The following SLC25A48 variants were observed in gnomAD, a reference collection of about 807,000 sequenced individuals.
The protein encoded by SLC25A48 is solute carrier family 25 member 48, also known as CTC-321K16.1.
A neutral mutation model predicts 32.2 loss-of-function variants in SLC25A48; 29 were observed. That is an observed-to-expected ratio of 0.90 (90% CI 0.67 to 1.23). SLC25A48 has a LOEUF of 1.23. SLC25A48 is among the 50% of genes most tolerant of loss of function. The pLI is 0.00. For synonymous variants in SLC25A48, 164 were observed against 172.3 expected (o/e 0.95, Z 0.38); for missense variants, 399 against 422.7 (o/e 0.94, Z 0.49).
chr5:135,777,048 A>T (rs377589131), intron 3 of SLC25A48, among the ~76,000 whole-genome samples: 1 of 151,904 alleles, frequency 6.6e-6, no homozygotes, highest in East Asian at 1.9e-4. Flanking sequence ...GGAAGAGAGG[A>T]TTATATTACT....
chr5:135,623,711 G>A (rs1033278847), intron 1 of SLC25A48, among the ~76,000 whole-genome samples: 1 of 152,168 alleles, frequency 6.6e-6, no homozygotes, highest in African/African-American at 2.4e-5. Flanking sequence ...CTTACACAGA[G>A]GAGACACCCA....
upstream of SLC25A48, among the ~76,000 whole-genome samples, chr5:135,834,377 G>A (rs545447839): frequency 5.9e-5 from 9 of 152,348 alleles, no homozygotes; most frequent in South Asian, 1.9e-3. Flanking sequence ...TGGGATGGGA[G>A]AGAGTCCACA....
intron 6 of SLC25A48, among the ~76,000 whole-genome samples, chr5:135,877,912 G>T (rs752336794): frequency 1.3e-5 from 2 of 152,170 alleles, no homozygotes; most frequent in Non-Finnish European, 2.9e-5. Flanking sequence ...GAGGAAAAAG[G>T]CTGGCCCCTT....
chr5:135,852,548 T>C lies in SLC25A48; in HGVS notation c.163-15T>C, dbSNP rs1414965646. On this transcript the variant is annotated splice_polypyrimidine_tract_variant and intron_variant, in intron 3 of 7. Coordinates refer to ENST00000681962, the MANE Select transcript of SLC25A48 (RefSeq NM_001349336.2). The stretch of plus-strand genomic sequence containing the variant: ...CCGGGGTCCTCACGCCTCTTCCTTC[T>C]GGTTTTCACTGCAGATGTTCGGCTT... The C allele has an allele frequency of 6.3e-7, 1 of 1,584,306 alleles. No homozygotes were observed. Among genetic ancestry groups the C allele is most frequent in the African/African-American group, 1.3e-5 (1 of 74,336 alleles).
intron 3 of SLC25A48, among the ~76,000 whole-genome samples, chr5:135,808,557 C>T (rs963769119): frequency 3.9e-5 from 6 of 152,102 alleles, no homozygotes; most frequent in East Asian, 1.9e-4. Context: ...CTGCCTTCTG[C>T]GTGTAGGCCC....
intron 3 of SLC25A48, among the ~76,000 whole-genome samples, chr5:135,691,349 C>T (rs990675629): frequency 8.5e-5 from 13 of 152,174 alleles, no homozygotes; most frequent in Non-Finnish European, 7.4e-5. Flanking sequence ...ATAAAAAGCA[C>T]GGGTTGTATG....
chr5:135,685,534 G>A (rs1754003284), intron 3 of SLC25A48, among the ~76,000 whole-genome samples: 1 of 150,234 alleles, frequency 6.7e-6, no homozygotes, highest in South Asian at 2.1e-4. Flanking sequence ...CCGGGTTCAA[G>A]CAATTCTCAT....
intron 4 of SLC25A48, among the ~76,000 whole-genome samples, chr5:135,858,411 C>T (rs533547244): frequency 1.1e-4 from 16 of 152,292 alleles, no homozygotes; most frequent in Admixed American, 5.2e-4. Flanking sequence ...TCTGCCGTGC[C>T]CCCACAAGTT....
At chr5:135,714,984 C>G (rs1433117181) in intron 3 of SLC25A48, among the ~76,000 whole-genome samples, 1 of 152,130 alleles carries the variant, frequency 6.6e-6, no homozygotes, top group African/African-American at 2.4e-5. Context: ...GGAGCTTCAC[C>G]CTGTAACAAA....
At chr5:135,579,877 T>C (rs889888992) in intron 1 of SLC25A48, among the ~76,000 whole-genome samples, 6 of 152,208 alleles carry the variant, frequency 3.9e-5, no homozygotes, top group Non-Finnish European at 7.3e-5. Flanking sequence ...CCAGCCATAG[T>C]GGCAGAAATT....
intron 3 of SLC25A48, among the ~76,000 whole-genome samples, chr5:135,807,706 A>G (rs1224108458): frequency 6.6e-6 from 1 of 150,494 alleles, no homozygotes; most frequent in Non-Finnish European, 1.5e-5. Flanking sequence ...TATTAATATC[A>G]TTGTGTGTTA....
intron 7 of SLC25A48, among the ~76,000 whole-genome samples, chr5:135,881,549 A>G (rs1205803389): frequency 6.6e-6 from 1 of 152,260 alleles, no homozygotes; most frequent in Non-Finnish European, 1.5e-5. Flanking sequence ...CACAGTTTAC[A>G]TAATTAAACA....
chr5:135,590,154 A>G lies in SLC25A48; in HGVS notation c.-849+10557A>G, dbSNP rs545489464. ...GTTCAGGGCTCCCTGTACCTATCCC[A>G]TATCCATGGCAAGATAAAACCCTTT... On this transcript the variant is annotated intron_variant, in intron 1 of 10. Coordinates refer to the SLC25A48 transcript ENST00000646290. 4.6e-5 allele frequency among the ~76,000 whole-genome samples: 7 copies of G among 152,342 alleles called. No homozygotes were observed. In the South Asian group the frequency reaches 1.2e-3, roughly 27 times the overall value.
Position 135,834,864 on chromosome 5 carries a change from T to C in SLC25A48, c.17T>C (p.Leu6Pro), listed in dbSNP as rs1450903815. The change falls in exon 1 of 8, where the codon CTG (leucine) becomes CCG (proline). Residue 6 changes from leucine (L) to proline (P), a missense_variant. Coordinates refer to ENST00000681962, the MANE Select transcript of SLC25A48 (RefSeq NM_001349336.2). Reference sequence around the variant, plus strand: ...GCGCCGGCCATGGGAAGCTTCCAGCTGGAAGACTTTGCGGCGGGCTGGATC... The same window carrying C: ...GCGCCGGCCATGGGAAGCTTCCAGCCGGAAGACTTTGCGGCGGGCTGGATC... Reference protein sequence around the residue: MGSFQLEDFAAGWIGG... With the variant: MGSFQPEDFAAGWIGG... The C allele has an allele frequency of 3.1e-6, 5 of 1,604,792 alleles. No homozygotes were observed. In the East Asian group the frequency reaches 1.1e-4, roughly 36 times the overall value.
intron 4 of SLC25A48, among the ~76,000 whole-genome samples, chr5:135,828,871 G>A (rs903641551): frequency 3.9e-5 from 6 of 152,138 alleles, no homozygotes; most frequent in African/African-American, 9.7e-5. Context: ...AACTCTTCCC[G>A]ACTCCCCTTG....
At chr5:135,647,652 C>G (rs1752997550) in intron 3 of SLC25A48, among the ~76,000 whole-genome samples, 1 of 152,098 alleles carries the variant, frequency 6.6e-6, no homozygotes, top group African/African-American at 2.4e-5. Context: ...CTCTGGGACA[C>G]ATGGACACAT....
At chr5:135,842,372 G>C (rs1042951663) in intron 1 of SLC25A48, 44 bp from the exon 2 acceptor site, 1 of 1,605,858 alleles carries the variant, frequency 6.2e-7, no homozygotes, top group Non-Finnish European at 8.5e-7. Context: ...TGTAAGCCAG[G>C]AGTCCAAGGG....
intron 3 of SLC25A48, among the ~76,000 whole-genome samples, chr5:135,769,608 C>T (rs558160709): frequency 6.6e-6 from 1 of 151,616 alleles, no homozygotes; most frequent in African/African-American, 2.4e-5. Flanking sequence ...TGTACAACCC[C>T]CTGTGATATT....
chr5:135,746,745 A>G (rs905786223), intron 3 of SLC25A48, among the ~76,000 whole-genome samples: 1 of 152,166 alleles, frequency 6.6e-6, no homozygotes, highest in African/African-American at 2.4e-5. Context: ...GTCAATAGAC[A>G]GTTTATATTC....
Sources: gnomAD v4.1 joint callset for allele counts (sites outside exome capture counted in the v4.1 genomes callset) on GRCh38, gnomAD v4.1.1 for gene constraint, MANE v1.5 for transcripts, NCBI Gene and HGNC (gene_info 2026-07-23, HGNC 2026-07-21) for gene names.